Variants in RBM20 observed in about 807,000 individuals in gnomAD.
The protein encoded by RBM20 is RNA binding motif protein 20, also known as RNA-binding protein 20.
A neutral mutation model predicts 110.1 loss-of-function variants in RBM20; 51 were observed. The observed-to-expected ratio is 0.46, with a 90% confidence interval of 0.37 to 0.59. The LOEUF (loss-of-function observed/expected upper bound fraction) is 0.59. RBM20 is among the 20% of genes least tolerant of loss of function. RBM20 has a pLI of 0.00. For synonymous variants in RBM20, 589 were observed against 618.2 expected (o/e 0.95, Z 0.70); for missense variants, 1,512 against 1,574.9 (o/e 0.96, Z 0.68).
intron 1 of RBM20, among the ~76,000 whole-genome samples, chr10:110,684,325 C>A (rs938540367): frequency 1.3e-5 from 2 of 151,998 alleles, no homozygotes; most frequent in African/African-American, 4.8e-5. Context: ...ACCCGGGAGG[C>A]AGAGGTTGCA....
At chr10:110,786,528 G>A (rs34555587) in intron 5 of RBM20, among the ~76,000 whole-genome samples, 8 of 152,348 alleles carry the variant, frequency 5.3e-5, no homozygotes, top group Middle Eastern at 3.4e-3. Context: ...GAAGCGCTTC[G>A]AGAGAGCCCC....
chr10:110,818,711 G>C (rs1279612718), intron 9 of RBM20, among the ~76,000 whole-genome samples: 1 of 152,368 alleles, frequency 6.6e-6, no homozygotes, highest in South Asian at 2.1e-4. Flanking sequence ...GAACTGAAGG[G>C]GGTCCCTTTA....
In RBM20 at chr10:110,675,234, A is replaced by G. The variant is rs908828481; in HGVS notation, c.191+30589A>G. ...AAAAGAGCAGGATGGGAATAAAGGA[A>G]AAGAGAGCCTGTTTTGGTGAATAAG... On this transcript the variant is annotated intron_variant, in intron 1 of 13. Transcript: ENST00000369519. Among the ~76,000 whole-genome samples, 3 of 152,204 alleles carry G rather than the reference A, an allele frequency of 2.0e-5. 1 individual carries two copies. The highest frequency in any genetic ancestry group is 7.2e-5 in the African/African-American group (3 of 41,454).
chr10:110,789,267 C>G (rs1227258318), intron 5 of RBM20, among the ~76,000 whole-genome samples: 2 of 152,262 alleles, frequency 1.3e-5, no homozygotes, highest in East Asian at 3.9e-4. Context: ...TATATCCGAA[C>G]TGCCACAAAA....
At chr10:110,791,371 C>G (rs11195324) in intron 5 of RBM20, among the ~76,000 whole-genome samples, 26,144 of 152,176 alleles carry the variant, frequency 0.17, 2,756 homozygotes, top group East Asian at 0.53. Context: ...AAGATGGAAT[C>G]TACACTTTGC....
intron 11 of RBM20, 133 bp from the exon 12 acceptor site, chr10:110,823,347 T>C (rs1171112278): frequency 3.4e-6 from 4 of 1,170,154 alleles, no homozygotes; most frequent in African/African-American, 3.1e-5. Flanking sequence ...CCCAGCCTTA[T>C]GTGATTAAGC....
intron 1 of RBM20, among the ~76,000 whole-genome samples, chr10:110,694,081 T>C (rs1862627025): frequency 1.3e-5 from 2 of 152,244 alleles, no homozygotes; most frequent in South Asian, 4.1e-4. Context: ...TGTGTGCTTC[T>C]ACCTGGTCTT....
chr10:110,788,452 C>T (rs115018420), intron 5 of RBM20, among the ~76,000 whole-genome samples: 3,648 of 152,238 alleles, frequency 0.024, 149 homozygotes, highest in African/African-American at 0.082. Flanking sequence ...TCATTATAAC[C>T]TCTGTGACAT....
intron 1 of RBM20, among the ~76,000 whole-genome samples, chr10:110,649,894 G>A (rs1235130572): frequency 6.6e-6 from 1 of 152,198 alleles, no homozygotes; most frequent in Non-Finnish European, 1.5e-5. Context: ...AATACTGCAT[G>A]TTCCCACCAG....
chr10:110,762,531 C>T (rs1393338053), intron 1 of RBM20, among the ~76,000 whole-genome samples: 1 of 152,160 alleles, frequency 6.6e-6, no homozygotes, highest in Non-Finnish European at 1.5e-5. Flanking sequence ...CACTCCAGGC[C>T]GTGTATGAGG....
intron 1 of RBM20, among the ~76,000 whole-genome samples, chr10:110,731,190 C>T (rs12764660): frequency 0.45 from 68,451 of 152,040 alleles, 17,294 homozygotes; most frequent in East Asian, 0.64. Flanking sequence ...TTGTTATCCA[C>T]GTTGGGAAAT....
chr10:110,699,560 C>A (rs1249985812), intron 1 of RBM20, among the ~76,000 whole-genome samples: 2 of 152,100 alleles, frequency 1.3e-5, no homozygotes, highest in Non-Finnish European at 2.9e-5. Context: ...GTGTGAGCCA[C>A]TGCACACAGC....
At chr10:110,767,327 A>G (rs1445904377) in intron 1 of RBM20, among the ~76,000 whole-genome samples, 9 of 106,734 alleles carry the variant, frequency 8.4e-5, no homozygotes, top group Middle Eastern at 9.3e-3. Flanking sequence ...CGGGGCGGCT[A>G]GCCGGGTGGG....
intron 1 of RBM20, among the ~76,000 whole-genome samples, chr10:110,761,999 G>T (rs1453583970): frequency 1.3e-5 from 2 of 152,216 alleles, no homozygotes; most frequent in Non-Finnish European, 2.9e-5. Flanking sequence ...CTGAGGTCAG[G>T]AGTTGGAGAC....
At chr10:110,784,701 G>T (rs1433204347) in intron 4 of RBM20, 91 bp from the exon 5 acceptor site, 3 of 845,462 alleles carry the variant, frequency 3.5e-6, no homozygotes, top group East Asian at 2.6e-5. Flanking sequence ...GAAGGGGAAA[G>T]GTTCAGTTTT....
At chr10:110,830,917 G>A (rs1000596608) in intron 12 of RBM20, 144 bp from the exon 13 acceptor site, 3 of 734,096 alleles carry the variant, frequency 4.1e-6, no homozygotes, top group Non-Finnish European at 6.5e-6. Flanking sequence ...CTGAGGCTTG[G>A]AGAAGCTCAG....
In RBM20 at chr10:110,699,813, C is replaced by T. The variant is rs139217433; in HGVS notation, c.191+55168C>T. Among the ~76,000 whole-genome samples the T allele has an allele frequency of 4.3e-3, 657 of 152,182 alleles. 4 individuals are homozygous for T. Among genetic ancestry groups the T allele is most frequent in the African/African-American group, 0.015 (611 of 41,488 alleles). On this transcript the variant is annotated intron_variant, in intron 1 of 13. Coordinates refer to ENST00000369519, the MANE Select transcript of RBM20 (RefSeq NM_001134363.3). ...GATAAGGTTTAATTTATAAATTAGG[C>T]ACAGTACTCTTGTGCGTTGGGGCCA...
At chr10:110,673,592 A>G (rs1018481107) in intron 1 of RBM20, among the ~76,000 whole-genome samples, 2 of 152,226 alleles carry the variant, frequency 1.3e-5, no homozygotes, top group Non-Finnish European at 2.9e-5. Context: ...CAGCCTCACC[A>G]GCACCAGGAA....
chr10:110,836,385 G>A lies in RBM20; in HGVS notation c.*407G>A, dbSNP rs1329280123. On this transcript the variant is annotated 3_prime_UTR_variant, in exon 14 of 14. Transcript: ENST00000369519. ...GATATAACAGGTCAGGCCTAGCTGA[G>A]TCAGGCAAGGAAAAGGTTTAATGGA... 1 of 153,900 alleles carries A rather than the reference G, an allele frequency of 6.5e-6. No individual in the cohort carries two copies. Among genetic ancestry groups the A allele is most frequent in the Non-Finnish European group, 1.4e-5 (1 of 69,226 alleles). 9.5% of individuals were successfully genotyped at this position (153,900 alleles called of 1,614,324 possible).
Sources: gnomAD v4.1 joint callset for allele counts (sites outside exome capture counted in the v4.1 genomes callset) on GRCh38, gnomAD v4.1.1 for gene constraint, MANE v1.5 for transcripts, NCBI Gene and HGNC (gene_info 2026-07-23, HGNC 2026-07-21) for gene names.